The following TTC6 variants were observed in gnomAD, a reference collection of about 807,000 sequenced individuals.
TTC6 encodes the protein tetratricopeptide repeat domain 6.
A neutral mutation model predicts 210.4 loss-of-function variants in TTC6; 172 were observed. That is an observed-to-expected ratio of 0.82 (90% CI 0.72 to 0.93). TTC6 has a LOEUF of 0.93. TTC6 is among the 40% of genes least tolerant of loss of function. The pLI is 0.00. For synonymous variants in TTC6, 804 were observed against 819.6 expected, an observed-to-expected ratio of 0.98 and a Z score of 0.32; for missense variants, 2,414 against 2,318.1, an observed-to-expected ratio of 1.04 and a Z score of -0.85.
At chr14:37,734,207 A>G (rs1016894532) in intron 7 of TTC6, among the ~76,000 whole-genome samples, 1 of 152,184 alleles carries the variant, frequency 6.6e-6, no homozygotes, top group African/African-American at 2.4e-5. Context: ...TACCCTCGTG[A>G]TAGAACCCAG....
intron 2 of TTC6, among the ~76,000 whole-genome samples, chr14:37,613,870 GT>G (rs1222829637): frequency 6.6e-6 from 1 of 151,928 alleles, no homozygotes; most frequent in Non-Finnish European, 1.5e-5. Flanking sequence ...AGCCAGATGG[GT>G]TTTTAAATTT....
chr14:37,785,213 G>A (rs554720647), intron 14 of TTC6, among the ~76,000 whole-genome samples: 1 of 152,192 alleles, frequency 6.6e-6, no homozygotes, highest in Non-Finnish European at 1.5e-5. Context: ...ATCCTGAAGA[G>A]TGTTTTCCAA....
At chr14:37,752,528 T>TG (rs1555394941) in intron 13 of TTC6, among the ~76,000 whole-genome samples, 1 of 151,646 alleles carries the variant, frequency 6.6e-6, no homozygotes, top group Non-Finnish European at 1.5e-5. Flanking sequence ...TTTTTTTTTT[T>TG]ATTTTAAAAA....
chr14:37,761,888 G>C (rs932345211), intron 14 of TTC6, among the ~76,000 whole-genome samples: 2 of 152,094 alleles, frequency 1.3e-5, no homozygotes, highest in African/African-American at 4.8e-5. Context: ...TGATTGAATT[G>C]AGCTTATTAA....
intron 14 of TTC6, among the ~76,000 whole-genome samples, chr14:37,782,079 CT>C (rs774587310): frequency 9.2e-5 from 14 of 152,078 alleles, no homozygotes; most frequent in Admixed American, 2.0e-4. Flanking sequence ...CAGCTTTGTT[CT>C]TTTGGCTTAG....
chr14:37,749,689 C>G, intron 11 of TTC6, 25 bp from the exon 14 acceptor site: 4 of 1,323,544 alleles, frequency 3.0e-6, no homozygotes, highest in Non-Finnish European at 3.9e-6. Flanking sequence ...TCAACTTTAA[C>G]TGAATTTTTA....
chr14:37,830,853 A>G (rs138708386), intron 29 of TTC6, among the ~76,000 whole-genome samples: 1 of 152,134 alleles, frequency 6.6e-6, no homozygotes, highest in Non-Finnish European at 1.5e-5. Flanking sequence ...TGATATTTTG[A>G]TATGTGCATA....
intron 13 of TTC6, among the ~76,000 whole-genome samples, chr14:37,752,322 C>T (rs1377633924): frequency 1.3e-5 from 2 of 151,972 alleles, no homozygotes; most frequent in Non-Finnish European, 2.9e-5. Context: ...GAATCCATGA[C>T]ATCCACTTGA....
chr14:37,613,325 T>G (rs1366798266), intron 2 of TTC6, among the ~76,000 whole-genome samples: 2 of 152,156 alleles, frequency 1.3e-5, no homozygotes, highest in African/African-American at 4.8e-5. Context: ...TTTTCAACCC[T>G]TGGATAAACT....
chr14:37,680,996 T>C (rs1403975536), intron 2 of TTC6, among the ~76,000 whole-genome samples: 1 of 152,166 alleles, frequency 6.6e-6, no homozygotes, highest in Non-Finnish European at 1.5e-5. Context: ...ATGGGTCCTA[T>C]AATGTTAGAG....
At chr14:37,735,580 G>T (rs143892462) in intron 7 of TTC6, among the ~76,000 whole-genome samples, 1 of 152,110 alleles carries the variant, frequency 6.6e-6, no homozygotes, top group African/African-American at 2.4e-5. Context: ...GATATGTCTT[G>T]TTCATAATCC....
chr14:37,770,065 G>C (rs2096012929), intron 14 of TTC6, among the ~76,000 whole-genome samples: 1 of 152,138 alleles, frequency 6.6e-6, no homozygotes, highest in Admixed American at 6.6e-5. Flanking sequence ...TATGTACCCA[G>C]TAGTCGTTCA....
chr14:37,791,369 G>T (rs1240709993), intron 16 of TTC6, among the ~76,000 whole-genome samples: 2 of 152,148 alleles, frequency 1.3e-5, no homozygotes, highest in Admixed American at 1.3e-4. Flanking sequence ...GCACTAGTCA[G>T]AAAGTCAAAC....
At chr14:37,793,247 G>A (rs895956244) in intron 17 of TTC6, among the ~76,000 whole-genome samples, 7 of 152,246 alleles carry the variant, frequency 4.6e-5, no homozygotes, top group African/African-American at 1.7e-4. Flanking sequence ...AAAGCCAAAG[G>A]TCTGCAAGAC....
intron 1 of TTC6, among the ~76,000 whole-genome samples, chr14:37,601,666 A>C (rs987838648): frequency 3.3e-5 from 5 of 152,180 alleles, no homozygotes; most frequent in African/African-American, 1.2e-4. Flanking sequence ...TTGAGCTTCC[A>C]AACCCATTGG....
intron 1 of TTC6, among the ~76,000 whole-genome samples, chr14:37,635,532 T>C (rs1418268451): frequency 6.7e-6 from 1 of 148,446 alleles, no homozygotes; most frequent in East Asian, 1.9e-4. Context: ...TATGACTCAA[T>C]GATATATTGT....
chr14:37,813,458 G>A (rs1366387559), intron 25 of TTC6, among the ~76,000 whole-genome samples: 3 of 152,146 alleles, frequency 2.0e-5, no homozygotes, highest in African/African-American at 7.2e-5. Flanking sequence ...GCAGCTGTTA[G>A]AGAATTAAAT....
chr14:37,701,043 A>G (rs949598443), intron 4 of TTC6, among the ~76,000 whole-genome samples: 1 of 152,120 alleles, frequency 6.6e-6, no homozygotes, highest in Admixed American at 6.6e-5. Flanking sequence ...GGGTGGGATG[A>G]TAAAGAGTTT....
intron 29 of TTC6, among the ~76,000 whole-genome samples, chr14:37,840,940 C>G (rs2096208680): frequency 6.6e-6 from 1 of 151,398 alleles, no homozygotes; most frequent in Non-Finnish European, 1.5e-5. Context: ...GTGACCTCCA[C>G]TCAGTGCAAC....
Sources: allele counts gnomAD v4.1 joint callset (sites outside exome capture counted in the v4.1 genomes callset), GRCh38; gene constraint gnomAD v4.1.1; transcripts MANE v1.5; gene names NCBI Gene and HGNC (gene_info 2026-07-23, HGNC 2026-07-21).